The following CPXM2 variants were observed in gnomAD, a reference collection of about 807,000 sequenced individuals.
The protein encoded by CPXM2 is carboxypeptidase X, M14 family member 2, also known as inactive carboxypeptidase-like protein X2.
Under a neutral mutation model 86.1 loss-of-function variants are expected in CPXM2, and 66 were observed. The observed-to-expected ratio is 0.77, with a 90% CI of 0.63 to 0.94. The LOEUF (loss-of-function observed/expected upper bound fraction) is 0.94. Ranked by LOEUF, CPXM2 falls within the 40% of genes least tolerant of loss-of-function variation. The probability of loss-of-function intolerance (pLI) is 0.00; values close to 1 mark genes in which losing one functional copy is unlikely to be tolerated. For synonymous variants in CPXM2, 388 were observed against 400.2 expected (o/e 0.97, Z 0.36); for missense variants, 948 against 1,026.3 (o/e 0.92, Z 1.04).
At chr10:123,806,771 C>T (rs563058706) in intron 4 of CPXM2, among the ~76,000 whole-genome samples, 75 of 152,104 alleles carry the variant, frequency 4.9e-4, no homozygotes, top group African/African-American at 1.4e-3. Flanking sequence ...GGAGAAACTG[C>T]CACTTATGAA....
intron 2 of CPXM2, among the ~76,000 whole-genome samples, chr10:123,922,173 T>A (rs1425742216): frequency 6.6e-6 from 1 of 152,170 alleles, no homozygotes; most frequent in Non-Finnish European, 1.5e-5. Flanking sequence ...CCCACACTTG[T>A]GACAATCAAA....
chr10:123,805,614 A>G (rs1847561256), intron 4 of CPXM2, among the ~76,000 whole-genome samples: 1 of 152,156 alleles, frequency 6.6e-6, no homozygotes, highest in Non-Finnish European at 1.5e-5. Flanking sequence ...TTTGTGGCTC[A>G]GTATATGGTC....
chr10:123,785,036 T>C (rs1290290175), intron 6 of CPXM2, among the ~76,000 whole-genome samples: 4 of 152,232 alleles, frequency 2.6e-5, no homozygotes, highest in Non-Finnish European at 4.4e-5. Flanking sequence ...AAGTGACCAG[T>C]GGAAACCTCT....
At chr10:123,863,639 G>A (rs949779142) in intron 2 of CPXM2, among the ~76,000 whole-genome samples, 1 of 152,172 alleles carries the variant, frequency 6.6e-6, no homozygotes, top group African/African-American at 2.4e-5. Flanking sequence ...GACCAGCAGG[G>A]TTAATCCTCA....
chr10:123,889,046 T>C (rs1945224052), intron 1 of CPXM2, among the ~76,000 whole-genome samples: 1 of 152,210 alleles, frequency 6.6e-6, no homozygotes, highest in African/African-American at 2.4e-5. Context: ...AATGAGCTTT[T>C]TCTTGCAAAT....
intron 4 of CPXM2, among the ~76,000 whole-genome samples, chr10:123,824,523 T>G (rs1000292676): frequency 1.3e-4 from 19 of 151,872 alleles, no homozygotes; most frequent in African/African-American, 4.6e-4. Context: ...TGGTACTGAG[T>G]GAGCAAAATC....
intron 3 of CPXM2, among the ~76,000 whole-genome samples, chr10:123,857,207 C>T (rs1223042851): frequency 1.3e-5 from 2 of 151,836 alleles, no homozygotes; most frequent in Non-Finnish European, 2.9e-5. Flanking sequence ...ATTAAGTTAA[C>T]AAAAGTAAAA....
chr10:123,894,242 T>C (rs1271335127), upstream of CPXM2, among the ~76,000 whole-genome samples: 1 of 152,154 alleles, frequency 6.6e-6, no homozygotes, highest in Non-Finnish European at 1.5e-5. Context: ...CAGCACCTCT[T>C]AGGTGAGTAA....
chr10:123,816,162 C>A (rs1847809474), intron 4 of CPXM2, among the ~76,000 whole-genome samples: 1 of 152,070 alleles, frequency 6.6e-6, no homozygotes, highest in South Asian at 2.1e-4. Flanking sequence ...CTAGGAGGGT[C>A]CAGAAGATAT....
At chr10:123,766,470 G>A (rs180776117) in intron 10 of CPXM2, among the ~76,000 whole-genome samples, 5 of 152,250 alleles carry the variant, frequency 3.3e-5, no homozygotes, top group Admixed American at 3.3e-4. Context: ...GATAATAAGA[G>A]GTATGGGAGA....
chr10:123,842,594 A>G, intron 3 of CPXM2, 106 bp from the exon 4 acceptor site: 1 of 1,143,200 alleles, frequency 8.7e-7, no homozygotes, highest in Non-Finnish European at 1.2e-6. Context: ...TAGGAGAAGA[A>G]AATGAGGAAG....
At chr10:123,893,557 C>T (rs1194741566), upstream of CPXM2, among the ~76,000 whole-genome samples, 2 of 152,112 alleles carry the variant, frequency 1.3e-5, no homozygotes, top group African/African-American at 4.8e-5. Context: ...GCCTGTCAAA[C>T]CCCCAGGACG....
At chr10:123,929,629 G>C (rs966363860) in intron 2 of CPXM2, among the ~76,000 whole-genome samples, 1 of 152,112 alleles carries the variant, frequency 6.6e-6, no homozygotes, top group Non-Finnish European at 1.5e-5. Flanking sequence ...CCTCATTTCT[G>C]CTTCTCCCCA....
At chr10:123,883,509 G>A (rs1945128686) in intron 1 of CPXM2, among the ~76,000 whole-genome samples, 1 of 152,242 alleles carries the variant, frequency 6.6e-6, no homozygotes, top group African/African-American at 2.4e-5. Flanking sequence ...CTGCCTGATG[G>A]GCTTAGGGTG....
chr10:123,867,519 ATTTC>A (rs1424525614), intron 2 of CPXM2, among the ~76,000 whole-genome samples: 1 of 131,212 alleles, frequency 7.6e-6, no homozygotes, highest in Non-Finnish European at 1.6e-5. Flanking sequence ...CATCCTAGAG[ATTTC>A]TTTCTTTTTT....
At position 123,799,102 on chromosome 10, in the gene CPXM2, G is replaced by A; in HGVS notation, c.738+13C>T. 1 of 1,613,774 alleles carries A rather than the reference G, an allele frequency of 6.2e-7. No individual in the cohort carries two copies. Among genetic ancestry groups the A allele is most frequent in the Non-Finnish European group, 8.5e-7 (1 of 1,179,920 alleles). On this transcript the variant is annotated intron_variant, in intron 5 of 13. Transcript: ENST00000241305. Reference sequence around the variant, plus strand: ...AGGAAGAAAGGCATGGTTAAATGGAGGATGAGACTCACCATGTCTCCAGAT... The same window carrying A: ...AGGAAGAAAGGCATGGTTAAATGGAAGATGAGACTCACCATGTCTCCAGAT...
intron 2 of CPXM2, among the ~76,000 whole-genome samples, chr10:123,902,534 G>A (rs1222184151): frequency 1.3e-5 from 2 of 152,174 alleles, no homozygotes; most frequent in East Asian, 1.9e-4. Context: ...TCACAGTTCC[G>A]GAGGCTGGAA....
chr10:123,880,611 C>T (rs936681658), intron 1 of CPXM2, among the ~76,000 whole-genome samples: 2 of 151,992 alleles, frequency 1.3e-5, no homozygotes, highest in Non-Finnish European at 2.9e-5. Context: ...GGGTGGATCA[C>T]AAGGTCAGGA....
rs929812399 is a variant in CPXM2, at chr10:123,922,693, A to C, written n.174+16784T>G. ...AAAGCATAGGAGGCTCGGCGAGGTG[A>C]GAGAACTTGGCCAAGTGGGCAGAAA... On this transcript the variant is annotated intron_variant and non_coding_transcript_variant, in intron 2 of 19. Transcript: ENST00000368854. Among the ~76,000 whole-genome samples, 3 of 152,216 alleles carry C rather than the reference A, an allele frequency of 2.0e-5. No individual in the cohort carries two copies. In the East Asian group the frequency reaches 5.8e-4, roughly 29 times the overall value.
Sources: allele counts gnomAD v4.1 joint callset (sites outside exome capture counted in the v4.1 genomes callset), GRCh38; gene constraint gnomAD v4.1.1; transcripts MANE v1.5; gene names NCBI Gene and HGNC (gene_info 2026-07-23, HGNC 2026-07-21).